GCFC2: variants seen among roughly 807,000 people sequenced by gnomAD.
The protein encoded by GCFC2 is intron Large complex component GCFC2.
Under a neutral mutation model 99.4 loss-of-function variants are expected in GCFC2, and 102 were observed. The observed-to-expected ratio is 1.03, with a 90% CI of 0.87 to 1.21. GCFC2 has a LOEUF of 1.21. Among genes scored for constraint, GCFC2 ranks in the 50% most tolerant of loss-of-function variants. The pLI is 0.00. For synonymous variants in GCFC2, 338 were observed against 316.8 expected (o/e 1.07, Z -0.71); for missense variants, 973 against 920.9 (o/e 1.06, Z -0.73).
rs564470174 is a variant in GCFC2, at chr2:75,666,889, C to T, written c.2104-836G>A. On this transcript the variant is annotated intron_variant, in intron 15 of 16. Transcript: ENST00000321027. The stretch of plus-strand genomic sequence containing the variant: ...AAGAAGGGAGGTCAGAGTAACTCAC[C>T]AGACCAACTCAAAGTTCTAAGCTTT... 4.2e-4 allele frequency among the ~76,000 whole-genome samples: 64 copies of T among 152,162 alleles called. 1 individual carries two copies. The highest frequency in any genetic ancestry group is 1.5e-3 in the African/African-American group (61 of 41,524).
chr2:75,698,666 A>G (rs1680439691), intron 4 of GCFC2, among the ~76,000 whole-genome samples: 1 of 152,196 alleles, frequency 6.6e-6, no homozygotes, highest in Non-Finnish European at 1.5e-5. Flanking sequence ...GAAAAACCGT[A>G]ATACTCAACA....
intron 3 of GCFC2, chr2:75,701,743 A>T (rs1680601148): frequency 2.4e-6 from 1 of 408,516 alleles, no homozygotes. Context: ...AACCTTGGTC[A>T]AATGCATATA....
In GCFC2 at chr2:75,671,902, C is replaced by A. The variant is rs548980943; in HGVS notation, c.1956+48G>T. The A allele has an allele frequency of 7.2e-4, 629 of 878,900 alleles. 10 individuals carry two copies. The South Asian group carries it at 8.0e-3, about 11-fold the overall frequency. 54.4% of individuals were successfully genotyped at this position (878,900 alleles called of 1,614,324 possible). ...TTGTTGTTCTTTGTTCTATAGTAAA[C>A]AGGATTTTTACAAAAATTGCCTTTT... On this transcript the variant is annotated intron_variant, in intron 14 of 16. Transcript: ENST00000321027.
chr2:75,690,686 G>T lies in GCFC2; in HGVS notation c.1178C>A (p.Ser393Ter). Residue 393 changes from serine to a stop codon, truncating the protein, a stop_gained, in exon 8 of 17, where the codon TCA becomes TAA. Coordinates refer to ENST00000321027, the MANE Select transcript of GCFC2 (RefSeq NM_003203.5). LOFTEE classifies it high-confidence loss of function. ...AATCCACTGAGTTTTTTCATCTACT[G>T]AGAAGTTTCCACTTGTGGATGTCTC... Reference protein sequence around the residue: ...KDETSTSGNFSVDEKTQWILE... With the variant: ...KDETSTSGNF 6.4e-7 allele frequency: 1 copy of T among 1,567,192 alleles called. No individual in the cohort carries two copies. Among genetic ancestry groups the T allele is most frequent in the Non-Finnish European group, 8.8e-7 (1 of 1,141,452 alleles).
At chr2:75,672,989 C>T (rs1297430116) in intron 13 of GCFC2, among the ~76,000 whole-genome samples, 2 of 152,184 alleles carry the variant, frequency 1.3e-5, no homozygotes, top group African/African-American at 4.8e-5. Flanking sequence ...TTTGCATCCT[C>T]ATAGAGTATG....
chr2:75,682,229 C>T (rs891870924), intron 11 of GCFC2, among the ~76,000 whole-genome samples: 9 of 151,800 alleles, frequency 5.9e-5, no homozygotes, highest in Admixed American at 3.9e-4. Flanking sequence ...CCCTCTGAGA[C>T]GAAGCTTCCA....
At chr2:75,690,760 A>C (rs771120393) in intron 7 of GCFC2, 41 bp from the exon 8 acceptor site, 11 of 929,100 alleles carry the variant, frequency 1.2e-5, no homozygotes, top group African/African-American at 5.0e-5. Context: ...CAAATTCTCA[A>C]AAGAAAAAAG....
In GCFC2 at chr2:75,663,092, T is replaced by A. The variant is rs1678677440; in HGVS notation, c.*1574A>T. On this transcript the variant is annotated 3_prime_UTR_variant, in exon 17 of 17. Coordinates refer to ENST00000321027, the MANE Select transcript of GCFC2 (RefSeq NM_003203.5). ...TTTTCTAGATGAGATTCTATCCTTG[T>A]ATAATTTTGTTACTAATATAAACAT... The A allele has an allele frequency of 6.6e-6, 1 of 152,178 alleles. No homozygotes were observed. Among genetic ancestry groups the A allele is most frequent in the South Asian group, 2.1e-4 (1 of 4,828 alleles). 9.4% of individuals were successfully genotyped at this position (152,178 alleles called of 1,614,324 possible). A position where few individuals can be genotyped will look rare whatever the true frequency, so the allele number is the denominator to read the frequency against.
Position 75,710,676 on chromosome 2 carries a change from C to G in GCFC2, c.180G>C (p.Arg60=). Reference sequence around the variant, plus strand: ...GGCCCCGGCCACGAGGGCCCCGAACCCGGTGGGGCAGTCCCGCCACCTGCG... The same window carrying G: ...GGCCCCGGCCACGAGGGCCCCGAACGCGGTGGGGCAGTCCCGCCACCTGCG... ...GRAQVAGLPH[R]VRGPRGRGRV... The change falls in exon 1 of 17, where the codon CGG becomes CGC. Residue 60 remains arginine, a synonymous_variant. Transcript: ENST00000321027. 1.3e-6 allele frequency: 2 copies of G among 1,522,736 alleles called. No homozygotes were observed. Among genetic ancestry groups the G allele is most frequent in the East Asian group, 2.6e-5 (1 of 38,642 alleles). 94.3% of individuals were successfully genotyped at this position (1,522,736 alleles called of 1,614,324 possible).
At chr2:75,685,552 C>T (rs933555200) in intron 11 of GCFC2, among the ~76,000 whole-genome samples, 1 of 152,122 alleles carries the variant, frequency 6.6e-6, no homozygotes, top group Non-Finnish European at 1.5e-5. Context: ...TAGTTTCCTG[C>T]CCACCTCTCT....
intron 11 of GCFC2, among the ~76,000 whole-genome samples, chr2:75,682,876 C>T (rs766972232): frequency 6.6e-6 from 1 of 151,542 alleles, no homozygotes; most frequent in African/African-American, 2.4e-5. Context: ...TGAAATAAAG[C>T]GAGAAGACAA....
Position 75,687,915 on chromosome 2 carries a change from G to A in GCFC2, c.1602C>T (p.Ser534=). 1.3e-6 allele frequency: 2 copies of A among 1,594,836 alleles called. No individual in the cohort carries two copies. The highest frequency in any genetic ancestry group is 1.7e-6 in the Non-Finnish European group (2 of 1,164,496). The change falls in exon 11 of 17, where the codon AGC becomes AGT. Residue 534 remains serine (S), a synonymous_variant. Transcript: ENST00000321027. ...TTTCCTTCTTTGAATCTTCCACACT[G>A]CTATCCATAAATTCTTCTACAGATT... ...WFKSVEEFMD[S]SVEDSKKESS... is the part of the protein sequence containing the mutation.
At chr2:75,691,801 A>C (rs577208830) in intron 7 of GCFC2, among the ~76,000 whole-genome samples, 176 bp downstream of exon 7, 1 of 152,300 alleles carries the variant, frequency 6.6e-6, no homozygotes, top group East Asian at 1.9e-4. Flanking sequence ...TCTTGGACTT[A>C]ATTTAAAACA....
At chr2:75,708,042 A>G (rs887536504) in intron 1 of GCFC2, among the ~76,000 whole-genome samples, 3 of 152,226 alleles carry the variant, frequency 2.0e-5, no homozygotes, top group African/African-American at 4.8e-5. Flanking sequence ...GCCTTAAGGA[A>G]AAGCATTTGT....
intron 8 of GCFC2, 119 bp from the exon 9 acceptor site, chr2:75,690,200 G>A (rs774199126): frequency 4.8e-5 from 31 of 651,140 alleles, no homozygotes; most frequent in Admixed American, 8.4e-5. Flanking sequence ...TATTTTAAAT[G>A]GCCAGAAATA....
chr2:75,669,828 G>A (rs1408888627), intron 15 of GCFC2, among the ~76,000 whole-genome samples: 3 of 151,974 alleles, frequency 2.0e-5, no homozygotes, highest in Non-Finnish European at 2.9e-5. Context: ...GGGTTCAGGC[G>A]ATTCTTCTGC....
intron 5 of GCFC2, among the ~76,000 whole-genome samples, chr2:75,695,704 G>A (rs1680282014): frequency 6.6e-6 from 1 of 152,084 alleles, no homozygotes; most frequent in Non-Finnish European, 1.5e-5. Context: ...CCTGCACTGT[G>A]GGGCAATTAT....
Position 75,687,926 on chromosome 2 carries a change from A to C in GCFC2, c.1591T>G (p.Phe531Val). ...EMPWFKSVEE[F>V]MDSSVEDSKK... ...GAATCTTCCACACTGCTATCCATAAATTCTTCTACAGATTTGAACCATGGC... is the reference window on the plus strand; with the variant it reads ...GAATCTTCCACACTGCTATCCATAACTTCTTCTACAGATTTGAACCATGGC... Residue 531 changes from phenylalanine to valine, a missense_variant, in exon 11 of 17, where the codon TTT becomes GTT. Phe to Val is a conservative substitution (Grantham distance 50). Transcript: ENST00000321027. The C allele has an allele frequency of 6.2e-7, 1 of 1,602,392 alleles. No individual in the cohort carries two copies. Among genetic ancestry groups the C allele is most frequent in the Non-Finnish European group, 8.5e-7 (1 of 1,171,808 alleles).
intron 1 of GCFC2, chr2:75,710,381 A>C (rs1331241026): frequency 1.7e-6 from 2 of 1,203,160 alleles, no homozygotes. Context: ...TATTTCCCCC[A>C]AGGAGTCCAA....
Sources: allele counts gnomAD v4.1 joint callset (sites outside exome capture counted in the v4.1 genomes callset), GRCh38; gene constraint gnomAD v4.1.1; transcripts MANE v1.5; gene names NCBI Gene and HGNC (gene_info 2026-07-23, HGNC 2026-07-21).